SYT14: variants seen among roughly 807,000 people sequenced by gnomAD.
The protein encoded by SYT14 is synaptotagmin-14.
Under a neutral mutation model 74.2 loss-of-function variants are expected in SYT14, and 32 were observed. The ratio of observed to expected loss-of-function variants is 0.43; its 90% confidence interval spans 0.33 to 0.58. The LOEUF is 0.58. SYT14 is among the 20% of genes least tolerant of loss of function. SYT14 has a pLI of 0.05. For missense variants in SYT14, 791 were observed against 981.8 expected (o/e 0.81, Z 2.60); for synonymous variants, 298 against 337.7 (o/e 0.88, Z 1.29).
At chr1:210,132,851 C>G (rs887425038) in intron 7 of SYT14, among the ~76,000 whole-genome samples, 1 of 152,124 alleles carries the variant, frequency 6.6e-6, no homozygotes, top group East Asian at 1.9e-4. Flanking sequence ...TTAAATCCGA[C>G]CATTGTGAAT....
At chr1:210,047,023 T>A (rs1207244499) in intron 5 of SYT14, among the ~76,000 whole-genome samples, 2 of 152,122 alleles carry the variant, frequency 1.3e-5, no homozygotes, top group African/African-American at 2.4e-5. Context: ...ATTCCAGATC[T>A]CCTGTTTTTA....
chr1:209,982,025 A>C (rs913550071), intron 2 of SYT14, among the ~76,000 whole-genome samples: 1 of 152,040 alleles, frequency 6.6e-6, no homozygotes, highest in Admixed American at 6.6e-5. Flanking sequence ...CTCTTGCAAG[A>C]TCAGGAAGAT....
intron 5 of SYT14, among the ~76,000 whole-genome samples, chr1:210,078,082 G>A (rs1435436129): frequency 3.9e-5 from 6 of 151,958 alleles, no homozygotes; most frequent in African/African-American, 1.2e-4. Flanking sequence ...AGGCCGAGGC[G>A]GGCGGATCAC....
intron 5 of SYT14, among the ~76,000 whole-genome samples, chr1:210,081,413 G>C (rs1405146828): frequency 6.6e-6 from 1 of 152,158 alleles, no homozygotes; most frequent in Non-Finnish European, 1.5e-5. Flanking sequence ...TTGCAATAAA[G>C]CAAGTAACAC....
At chr1:210,059,722 T>C (rs941450657) in intron 5 of SYT14, among the ~76,000 whole-genome samples, 17 of 152,114 alleles carry the variant, frequency 1.1e-4, no homozygotes, top group African/African-American at 3.6e-4. Flanking sequence ...TAGCCTGATA[T>C]GGCTTTCTGT....
At chr1:210,028,706 C>G (rs2080465510) in intron 5 of SYT14, among the ~76,000 whole-genome samples, 1 of 152,158 alleles carries the variant, frequency 6.6e-6, no homozygotes, top group African/African-American at 2.4e-5. Flanking sequence ...TGTGTTTTAG[C>G]TGTTGTGAAT....
At chr1:210,049,549 G>A (rs562088813) in intron 5 of SYT14, among the ~76,000 whole-genome samples, 4 of 151,616 alleles carry the variant, frequency 2.6e-5, no homozygotes, top group Non-Finnish European at 5.9e-5. Context: ...TGTCATCTAC[G>A]TTAGGTATTT....
chr1:210,070,877 G>A (rs1240388610), intron 5 of SYT14, among the ~76,000 whole-genome samples: 1 of 149,768 alleles, frequency 6.7e-6, no homozygotes, highest in African/African-American at 2.5e-5. Context: ...TTCTCTGCTA[G>A]TCAGCTCAAT....
At chr1:210,124,868 G>A (rs1430431764) in intron 7 of SYT14, among the ~76,000 whole-genome samples, 1 of 150,782 alleles carries the variant, frequency 6.6e-6, no homozygotes, top group East Asian at 1.9e-4. Context: ...TTTTTTTTGT[G>A]TGGTTTTTTT....
chr1:210,078,419 GT>G (rs1382923507), intron 5 of SYT14, among the ~76,000 whole-genome samples: 1 of 150,952 alleles, frequency 6.6e-6, no homozygotes, highest in Admixed American at 6.6e-5. Context: ...CATGAAATCA[GT>G]TTAGTAGGTC....
At chr1:209,953,919 A>C (rs1207677664) in intron 2 of SYT14, among the ~76,000 whole-genome samples, 1 of 152,172 alleles carries the variant, frequency 6.6e-6, no homozygotes, top group Non-Finnish European at 1.5e-5. Flanking sequence ...TGTGCTTCTT[A>C]CCTAAAATGG....
chr1:210,159,982 T>A (rs1363139330), intron 9 of SYT14, among the ~76,000 whole-genome samples: 1 of 152,170 alleles, frequency 6.6e-6, no homozygotes, highest in East Asian at 1.9e-4. Flanking sequence ...TCAGATATCA[T>A]TCTTAAAATT....
intron 5 of SYT14, among the ~76,000 whole-genome samples, chr1:210,038,717 T>C (rs1327450797): frequency 6.6e-6 from 1 of 152,146 alleles, no homozygotes; most frequent in East Asian, 1.9e-4. Context: ...TTGACAGTTT[T>C]GTTTTTAAGT....
chr1:210,130,954 A>C (rs2082661059), intron 7 of SYT14, among the ~76,000 whole-genome samples: 1 of 152,196 alleles, frequency 6.6e-6, no homozygotes, highest in Admixed American at 6.5e-5. Context: ...AATTTGAATC[A>C]GAAATAATCT....
At chr1:210,078,167 G>A (rs909179656) in intron 5 of SYT14, among the ~76,000 whole-genome samples, 5 of 151,632 alleles carry the variant, frequency 3.3e-5, no homozygotes, top group African/African-American at 1.2e-4. Context: ...AAAATTAGCC[G>A]GGCGTGGTAG....
chr1:210,132,954 TTGAC>T (rs1316063189), intron 7 of SYT14, among the ~76,000 whole-genome samples: 5 of 152,192 alleles, frequency 3.3e-5, no homozygotes, highest in Non-Finnish European at 5.9e-5. Flanking sequence ...TTTCCACACT[TTGAC>T]TGTCTAGGAG....
intron 5 of SYT14, among the ~76,000 whole-genome samples, chr1:210,062,589 T>G (rs981028660): frequency 6.6e-6 from 1 of 151,918 alleles, no homozygotes; most frequent in Non-Finnish European, 1.5e-5. Flanking sequence ...ACACGTCCAT[T>G]TTGAATTCTA....
intron 7 of SYT14, among the ~76,000 whole-genome samples, chr1:210,145,123 C>T (rs1049382053): frequency 1.3e-5 from 2 of 152,148 alleles, no homozygotes; most frequent in Non-Finnish European, 2.9e-5. Flanking sequence ...ACAACTATAA[C>T]GTGTCTAGAT....
intron 6 of SYT14, 122 bp downstream of exon 5, chr1:210,094,715 G>A (rs1319730956): frequency 3.5e-6 from 4 of 1,155,576 alleles, no homozygotes; most frequent in Admixed American, 2.0e-5. Flanking sequence ...TATAGTACCA[G>A]TATCCATCCT....
Sources: gnomAD v4.1 joint callset for allele counts (sites outside exome capture counted in the v4.1 genomes callset) on GRCh38, gnomAD v4.1.1 for gene constraint, MANE v1.5 for transcripts, NCBI Gene and HGNC (gene_info 2026-07-23, HGNC 2026-07-21) for gene names.